FGFR1: variants seen among roughly 807,000 people sequenced by gnomAD.
FGFR1 encodes FGFR1/PLAG1 fusion.
In FGFR1, 18 loss-of-function variants were observed where a neutral mutation model predicts 93.7. The observed-to-expected ratio is 0.19, with a 90% CI of 0.13 to 0.28. The LOEUF (loss-of-function observed/expected upper bound fraction) is 0.28. Ranked by LOEUF, FGFR1 falls within the 10% of genes least tolerant of loss-of-function variation. The pLI, the probability that FGFR1 is intolerant of heterozygous loss-of-function variation, is 1.00. For missense variants in FGFR1, 731 were observed against 1,080.4 expected (o/e 0.68, Z 4.53); for synonymous variants, 448 against 429.3 (o/e 1.04, Z -0.54).
chr8:38,413,575 T>C lies in FGFR1; in HGVS notation c.*53A>G. ...CAGGTGGTGGGCCCAGCAGGGGCTGTGGGTGAGGGTTACAGCTGACGGTGG... is the reference window on the plus strand; with the variant it reads ...CAGGTGGTGGGCCCAGCAGGGGCTGCGGGTGAGGGTTACAGCTGACGGTGG... On this transcript the variant is annotated 3_prime_UTR_variant, in exon 18 of 18. Transcript: ENST00000447712. This position sits in a 1 kb window ranked among gnomAD's most constrained non-coding sequence, Gnocchi z 4.2. 6 of 1,549,952 alleles carry C rather than the reference T, an allele frequency of 3.9e-6. No homozygotes were observed. The highest frequency in any genetic ancestry group is 5.2e-6 in the Non-Finnish European group (6 of 1,143,822).
At chr8:38,452,361 T>A (rs1831366967) in intron 2 of FGFR1, among the ~76,000 whole-genome samples, 1 of 152,082 alleles carries the variant, frequency 6.6e-6, no homozygotes, top group Admixed American at 6.6e-5. Flanking sequence ...AATGTGTTTC[T>A]TCTTTTTTTT....
chr8:38,421,790 T>G lies in FGFR1; in HGVS notation c.1081+7A>C, dbSNP rs1308715078. 1.9e-5 allele frequency: 30 copies of G among 1,613,550 alleles called. No homozygotes were observed. The Admixed American group carries it at 4.3e-4, about 23-fold the overall frequency. On this transcript the variant is annotated splice_region_variant and intron_variant, in intron 8 of 17. Transcript: ENST00000447712. ...AGGACATCGAGAGGAGAAGTTACAG[T>G]GTGTACCTTCCAGAACGGTCAACCA...
chr8:38,422,890 A>G (rs1783453087), intron 7 of FGFR1: 1 of 608,822 alleles, frequency 1.6e-6, no homozygotes, highest in African/African-American at 1.9e-5. Context: ...CAGGCCGGGT[A>G]TTTTTCCATG....
In FGFR1 at chr8:38,412,952, C is replaced by A. The variant is rs1232475741; in HGVS notation, c.*676G>T. ...TCTGGTAACGACCCTTTTAAAAAGA[C>A]ATGTAAATATATACTCAGATTTATA... On this transcript the variant is annotated 3_prime_UTR_variant, in exon 18 of 18. Coordinates refer to ENST00000447712, the MANE Select transcript of FGFR1 (RefSeq NM_023110.3). 1 of 233,266 alleles carries A rather than the reference C, an allele frequency of 4.3e-6. No individual in the cohort carries two copies. The highest frequency in any genetic ancestry group is 8.5e-6 in the Non-Finnish European group (1 of 117,902). The allele number at this position is 233,266 out of a possible 1,614,324, so 14.4% of individuals were successfully genotyped here.
At position 38,419,191 on chromosome 8, in the gene FGFR1, G is replaced by A. The variant is rs536151912; in HGVS notation, c.1284+342C>T. ...GTGTGAAAATGGACTAATACAAACAGTTCTCTTCTCTACCCTGCATCTCTG... is the reference window on the plus strand; with the variant it reads ...GTGTGAAAATGGACTAATACAAACAATTCTCTTCTCTACCCTGCATCTCTG... On this transcript the variant is annotated intron_variant, in intron 9 of 17. Coordinates refer to ENST00000447712, the MANE Select transcript of FGFR1 (RefSeq NM_023110.3). 8.5e-5 allele frequency among the ~76,000 whole-genome samples: 13 copies of A among 152,328 alleles called. No individual in the cohort carries two copies. The South Asian group carries it at 1.9e-3, about 22-fold the overall frequency.
intron 1 of FGFR1, among the ~76,000 whole-genome samples, chr8:38,463,860 T>C (rs1416662919): frequency 2.0e-5 from 3 of 152,034 alleles, no homozygotes; most frequent in African/African-American, 4.8e-5. Flanking sequence ...TCTACTCACA[T>C]GTTGAGAGGG....
chr8:38,454,191 C>T (rs915374431), intron 2 of FGFR1, among the ~76,000 whole-genome samples: 5 of 151,914 alleles, frequency 3.3e-5, no homozygotes, highest in South Asian at 4.2e-4. Context: ...CAGCAGCTTC[C>T]GTGAAGCCCC....
Position 38,427,899 on chromosome 8 carries a change from T to C in FGFR1, c.621+22A>G, listed in dbSNP as rs372634991. On this transcript the variant is annotated intron_variant, in intron 5 of 17. Transcript: ENST00000447712. ...CCTCCCCTGTTCCCATTACTCTAAC[T>C]TTCGCATGCACACACACGTACCTTG... 136 of 1,614,114 alleles carry C rather than the reference T, an allele frequency of 8.4e-5. 1 individual carries two copies. The highest frequency in any genetic ancestry group is 4.3e-4 in the Admixed American group (26 of 60,008).
chr8:38,442,898 G>C (rs555056621), intron 2 of FGFR1, among the ~76,000 whole-genome samples: 2 of 152,276 alleles, frequency 1.3e-5, no homozygotes, highest in East Asian at 3.9e-4. Flanking sequence ...CCATATCCCC[G>C]CAATCCCGTC....
chr8:38,455,451 C>T (rs1035424589), intron 2 of FGFR1, among the ~76,000 whole-genome samples: 9 of 152,096 alleles, frequency 5.9e-5, no homozygotes, highest in Admixed American at 1.3e-4. Context: ...CCACTACGCC[C>T]GGCTAATTTT....
At chr8:38,423,152 A>G in intron 7 of FGFR1, 1 of 779,512 alleles carries the variant, frequency 1.3e-6, no homozygotes, top group Non-Finnish European at 2.4e-6. Context: ...GCACCTCCGC[A>G]TCCGAGCTAT....
rs765888792 is a variant in FGFR1 at position 38,418,321 on chromosome 8, G to A, written c.1337C>T (p.Pro446Leu). Reference sequence around the variant, plus strand: ...AGTCCCACTGGAGGAGAGCCGTGATGGCCGAACCAGAAGAACCCCAGAGTT... The same window carrying A: ...AGTCCCACTGGAGGAGAGCCGTGATAGCCGAACCAGAAGAACCCCAGAGTT... Reference protein sequence around the residue: ...SMNSGVLLVRPSRLSSSGTPM... With the variant: ...SMNSGVLLVRLSRLSSSGTPM... Residue 446 changes from proline to leucine, a missense_variant, in exon 10 of 18, where the codon CCA (proline) becomes CTA (leucine). Pro to Leu is a moderately conservative substitution (Grantham distance 98). Transcript: ENST00000447712. 2.5e-6 allele frequency: 4 copies of A among 1,614,070 alleles called. No homozygotes were observed. The African/African-American group carries it at 4.0e-5, about 16-fold the overall frequency.
rs376421301 is a variant in FGFR1, at chr8:38,414,803, G to A, written c.1953C>T (p.Ile651=). Reference sequence around the variant, plus strand: ...CGTTGGTTGTCTTTTTATAGTAGTCGATGTGGTGAATGTCCCGTGCGAGGC... The same window carrying A: ...CGTTGGTTGTCTTTTTATAGTAGTCAATGTGGTGAATGTCCCGTGCGAGGC... The part of the protein sequence containing the change: ...DFGLARDIHH[I]DYYKKTTNGR... Residue 651 remains isoleucine, a synonymous_variant, in exon 14 of 18, where the codon ATC becomes ATT. Transcript: ENST00000447712. The A allele has an allele frequency of 2.0e-5, 33 of 1,613,838 alleles. 1 individual carries two copies. Among genetic ancestry groups the A allele is most frequent in the Admixed American group, 3.3e-5 (2 of 59,964 alleles).
intron 1 of FGFR1, chr8:38,466,535 CACCCACCA>C (rs1273010486): frequency 4.8e-4 from 112 of 231,010 alleles, no homozygotes; most frequent in Admixed American, 1.7e-3. Flanking sequence ...GGACCGCCGC[CACCCACCA>C]GCGGCGGCGA....
In FGFR1 at chr8:38,429,259, C is replaced by A. The variant is rs750962739; in HGVS notation, c.358+423G>T. On this transcript the variant is annotated intron_variant, in intron 3 of 17. Coordinates refer to ENST00000447712, the MANE Select transcript of FGFR1 (RefSeq NM_023110.3). This position sits in a 1 kb window ranked among gnomAD's most constrained non-coding sequence, Gnocchi z 4.4. The stretch of plus-strand genomic sequence containing the variant: ...CCTTGCGGTGCACCTGGGTTCCTCT[C>A]CAGCAGAGCAGGGATACCACCACCT... 5 of 493,660 alleles carry A rather than the reference C, an allele frequency of 1.0e-5. No individual in the cohort carries two copies. Among genetic ancestry groups the A allele is most frequent in the African/African-American group, 1.9e-5 (1 of 51,600 alleles). 30.6% of individuals were successfully genotyped at this position (493,660 alleles called of 1,614,324 possible). A position where few individuals can be genotyped will look rare whatever the true frequency, so the allele number is the denominator to read the frequency against.
In FGFR1 at chr8:38,428,439, T is replaced by C. The variant is rs185233212; in HGVS notation, c.359-4A>G. On this transcript the variant is annotated splice_polypyrimidine_tract_variant and splice_region_variant and intron_variant, in intron 3 of 17. Coordinates refer to ENST00000447712, the MANE Select transcript of FGFR1 (RefSeq NM_023110.3). ...TCCTCCGAGGAGGGGAGAGCATCTA[T>C]GGGAAGAAGAAGGGGCACTGAGGTT... is the stretch of plus-strand genomic sequence containing the variant. 374 of 1,610,070 alleles carry C rather than the reference T, an allele frequency of 2.3e-4. No homozygotes were observed. The highest frequency in any genetic ancestry group is 4.5e-4 in the Admixed American group (27 of 59,366).
intron 8 of FGFR1, among the ~76,000 whole-genome samples, chr8:38,421,461 G>T (rs144852314): frequency 6.6e-6 from 1 of 152,278 alleles, no homozygotes; most frequent in African/African-American, 2.4e-5. Context: ...CCCAGCGGAG[G>T]GGGGAGGCTG....
At chr8:38,434,762 G>C (rs1824655844) in intron 2 of FGFR1, 1 of 156,050 alleles carries the variant, frequency 6.4e-6, no homozygotes, top group Non-Finnish European at 1.4e-5. Context: ...GCGGCTTCCT[G>C]GCTGACTTGT....
intron 7 of FGFR1, chr8:38,422,628 C>G (rs1819237481): frequency 3.5e-6 from 1 of 287,984 alleles, no homozygotes; most frequent in African/African-American, 2.2e-5. Flanking sequence ...TCTCAAACTC[C>G]TGGCTTCAAG....
Sources: allele counts gnomAD v4.1 joint callset (sites outside exome capture counted in the v4.1 genomes callset), GRCh38; gene constraint gnomAD v4.1.1; non-coding constraint Gnocchi (gnomAD v3.1); transcripts MANE v1.5; gene names NCBI Gene and HGNC (gene_info 2026-07-23, HGNC 2026-07-21).